SMYD3: variants seen among roughly 807,000 people sequenced by gnomAD.
SMYD3 encodes the protein SET and MYND domain containing 3.
A neutral mutation model predicts 57.7 loss-of-function variants in SMYD3; 36 were observed. The ratio of observed to expected loss-of-function variants is 0.62; its 90% CI spans 0.48 to 0.82. The LOEUF (loss-of-function observed/expected upper bound fraction) is 0.82, where lower values mean the gene tolerates loss of function less well. Ranked by LOEUF, SMYD3 falls within the 40% of genes least tolerant of loss-of-function variation. SMYD3 has a pLI of 0.00. For synonymous variants in SMYD3, 211 were observed against 195.0 expected, an observed-to-expected ratio of 1.08 and a Z score of -0.68; for missense variants, 515 against 538.8, an observed-to-expected ratio of 0.96 and a Z score of 0.44.
At chr1:246,367,370 A>G (rs1403881176) in intron 1 of SMYD3, among the ~76,000 whole-genome samples, 6 of 152,218 alleles carry the variant, frequency 3.9e-5, no homozygotes, top group Admixed American at 1.3e-4. Flanking sequence ...ACCAATAAAT[A>G]TAAACTAAAT....
chr1:246,071,686 T>C (rs2787965), intron 5 of SMYD3, among the ~76,000 whole-genome samples: 30,545 of 151,828 alleles, frequency 0.2, 3,554 homozygotes, highest in East Asian at 0.39. Flanking sequence ...AAAATCATAA[T>C]CCCCAAACAC....
intron 5 of SMYD3, among the ~76,000 whole-genome samples, chr1:246,122,963 T>C (rs2061445713): frequency 6.6e-6 from 1 of 152,188 alleles, no homozygotes; most frequent in South Asian, 2.1e-4. Flanking sequence ...AAACATACTT[T>C]GAGTTTTTTG....
intron 5 of SMYD3, among the ~76,000 whole-genome samples, chr1:246,305,172 G>T (rs908530217): frequency 1.3e-5 from 2 of 152,158 alleles, no homozygotes; most frequent in African/African-American, 4.8e-5. Flanking sequence ...AATCCGAAAG[G>T]GTTCGGAGCA....
At chr1:246,134,330 A>G (rs1282971838) in intron 5 of SMYD3, among the ~76,000 whole-genome samples, 10 of 152,150 alleles carry the variant, frequency 6.6e-5, no homozygotes, top group Admixed American at 5.9e-4. Flanking sequence ...AGCTTTCTAT[A>G]TAAGGCATTT....
chr1:246,294,210 C>T (rs1163179059), intron 5 of SMYD3, among the ~76,000 whole-genome samples: 1 of 152,162 alleles, frequency 6.6e-6, no homozygotes, highest in Admixed American at 6.5e-5. Flanking sequence ...AGAATGTCTT[C>T]CTCATTTCTA....
chr1:246,466,288 A>T (rs1399593744), intron 1 of SMYD3, among the ~76,000 whole-genome samples: 1 of 152,250 alleles, frequency 6.6e-6, no homozygotes, highest in Non-Finnish European at 1.5e-5. Flanking sequence ...AATGCCCATC[A>T]ATGGTAGAAT....
chr1:245,947,840 A>T (rs1417272604), intron 5 of SMYD3, among the ~76,000 whole-genome samples: 1 of 152,206 alleles, frequency 6.6e-6, no homozygotes, highest in African/African-American at 2.4e-5. Context: ...GATATCTCAG[A>T]ATTAATGAAA....
chr1:245,751,584 G>GAC (rs1558299185), intron 11 of SMYD3, among the ~76,000 whole-genome samples: 1 of 57,124 alleles, frequency 1.8e-5, no homozygotes, highest in African/African-American at 1.7e-4. Context: ...GAGAAAGAGA[G>GAC]AGAGAGAGAA....
At chr1:246,475,775 A>G (rs776072477) in intron 1 of SMYD3, among the ~76,000 whole-genome samples, 2 of 151,950 alleles carry the variant, frequency 1.3e-5, no homozygotes, top group Non-Finnish European at 2.9e-5. Flanking sequence ...CCAACACACC[A>G]GGCTAATTTT....
At chr1:246,016,332 C>T (rs2059376136) in intron 5 of SMYD3, among the ~76,000 whole-genome samples, 1 of 151,884 alleles carries the variant, frequency 6.6e-6, no homozygotes, top group Admixed American at 6.6e-5. Flanking sequence ...CCTGTAATCC[C>T]AACATTTTGG....
At chr1:246,506,984 C>A in intron 1 of SMYD3, 70 bp downstream of exon 1, 1 of 827,014 alleles carries the variant, frequency 1.2e-6, no homozygotes, top group Non-Finnish European at 1.7e-6. Flanking sequence ...TGCCGGCCGC[C>A]CGACGCCCCC....
At chr1:245,772,513 G>T (rs144738543) in intron 10 of SMYD3, among the ~76,000 whole-genome samples, 4 of 152,178 alleles carry the variant, frequency 2.6e-5, no homozygotes, top group South Asian at 4.2e-4. Flanking sequence ...AATTTAACTA[G>T]TCAGCCATGC....
chr1:246,352,631 A>G (rs2065849369), intron 2 of SMYD3, among the ~76,000 whole-genome samples: 1 of 152,160 alleles, frequency 6.6e-6, no homozygotes, highest in Non-Finnish European at 1.5e-5. Flanking sequence ...TACCTTCCAC[A>G]GTATATCTGA....
intron 5 of SMYD3, among the ~76,000 whole-genome samples, chr1:246,245,120 C>CTTTTTTTTTTTTTTTTTTTT (rs74163421): frequency 3.3e-5 from 4 of 122,950 alleles, no homozygotes; most frequent in African/African-American, 6.1e-5. Context: ...CAGCTACTGC[C>CTTTTTTTTTTTTTTTTTTTT]TTTTTTTTTT....
At chr1:246,371,027 GAA>G (rs967783042) in intron 1 of SMYD3, among the ~76,000 whole-genome samples, 4 of 152,216 alleles carry the variant, frequency 2.6e-5, no homozygotes, top group African/African-American at 9.6e-5. Context: ...AATGAAATTT[GAA>G]AAGACTATTA....
intron 10 of SMYD3, among the ~76,000 whole-genome samples, chr1:245,774,794 C>T (rs958819565): frequency 6.6e-6 from 1 of 151,942 alleles, no homozygotes; most frequent in Non-Finnish European, 1.5e-5. Context: ...TCACTGCAAC[C>T]TCCCTGCCTG....
In SMYD3 at chr1:246,445,172, C is replaced by T. The variant is rs927129072; in HGVS notation, c.164+61882G>A. On this transcript the variant is annotated intron_variant, in intron 1 of 11. Transcript: ENST00000490107. ...GTAGTAAACATTCAATAAATGCTAA[C>T]ACAACATTAGGAGGGAGAGTTTTAC... is the stretch of plus-strand genomic sequence containing the variant. Among the ~76,000 whole-genome samples, 6 of 152,184 alleles carry T rather than the reference C, an allele frequency of 3.9e-5. No individual in the cohort carries two copies. The East Asian group carries it at 1.2e-3, about 29-fold the overall frequency.
intron 1 of SMYD3, among the ~76,000 whole-genome samples, chr1:246,488,128 G>C (rs1202131299): frequency 6.6e-6 from 1 of 152,130 alleles, no homozygotes; most frequent in Non-Finnish European, 1.5e-5. Context: ...TTAAATCCAT[G>C]TATTTGATCT....
At chr1:245,852,070 C>T (rs532952915) in intron 10 of SMYD3, among the ~76,000 whole-genome samples, 1 of 152,342 alleles carries the variant, frequency 6.6e-6, no homozygotes, top group Admixed American at 6.5e-5. Context: ...GTATGTGAAG[C>T]TGCCAGATCA....
Sources: allele counts gnomAD v4.1 joint callset (sites outside exome capture counted in the v4.1 genomes callset), GRCh38; gene constraint gnomAD v4.1.1; transcripts MANE v1.5; gene names NCBI Gene and HGNC (gene_info 2026-07-23, HGNC 2026-07-21).